ZFPM2: variants seen among roughly 807,000 people sequenced by gnomAD.
The protein encoded by ZFPM2 is zinc finger protein ZFPM2.
ZFPM2 carries 20 observed loss-of-function variants against 98.6 expected under a neutral mutation model. The observed-to-expected ratio is 0.20, with a 90% CI of 0.14 to 0.29. ZFPM2 has a LOEUF of 0.29. ZFPM2 is among the 10% of genes least tolerant of loss of function. ZFPM2 has a pLI of 1.00. For missense variants in ZFPM2, 1,310 were observed against 1,388.6 expected, an observed-to-expected ratio of 0.94 and a Z score of 0.90; for synonymous variants, 518 against 502.7, an observed-to-expected ratio of 1.03 and a Z score of -0.41.
At chr8:105,549,109 A>C (rs1206326164) in intron 3 of ZFPM2, among the ~76,000 whole-genome samples, 14 of 152,174 alleles carry the variant, frequency 9.2e-5, no homozygotes, top group South Asian at 2.1e-4. Flanking sequence ...AACTATGCTC[A>C]TGAGTGATAA....
chr8:105,676,194 T>C (rs1003841971), intron 5 of ZFPM2, among the ~76,000 whole-genome samples: 1 of 152,180 alleles, frequency 6.6e-6, no homozygotes, highest in Middle Eastern at 3.2e-3. Context: ...CATTCCTAAC[T>C]ATTTTGACCA....
At chr8:105,550,861 A>G (rs1814835484) in intron 3 of ZFPM2, among the ~76,000 whole-genome samples, 1 of 152,178 alleles carries the variant, frequency 6.6e-6, no homozygotes, top group Non-Finnish European at 1.5e-5. Context: ...TATGTACTGC[A>G]CTGAAAACAC....
intron 1 of ZFPM2, among the ~76,000 whole-genome samples, chr8:105,364,423 A>G (rs1432113411): frequency 6.6e-6 from 1 of 152,112 alleles, no homozygotes; most frequent in Admixed American, 6.6e-5. Context: ...AATCAGGAAG[A>G]AAAGTTCAGG....
chr8:105,792,612 A>C (rs2131148510), intron 6 of ZFPM2, among the ~76,000 whole-genome samples: 1 of 152,276 alleles, frequency 6.6e-6, no homozygotes, highest in East Asian at 1.9e-4. Flanking sequence ...TGCTTGGTGC[A>C]GAGATGAGTT....
intron 3 of ZFPM2, among the ~76,000 whole-genome samples, chr8:105,516,834 C>T (rs1049822933): frequency 6.6e-6 from 1 of 152,290 alleles, no homozygotes; most frequent in South Asian, 2.1e-4. Context: ...ATTTCTGACA[C>T]AAGCCTATAA....
At chr8:105,610,286 G>A (rs574469506) in intron 4 of ZFPM2, among the ~76,000 whole-genome samples, 1 of 152,220 alleles carries the variant, frequency 6.6e-6, no homozygotes, top group South Asian at 2.1e-4. Context: ...TAAGGCTTGT[G>A]ATTAAAAACA....
chr8:105,778,134 C>A (rs911139631), intron 5 of ZFPM2, among the ~76,000 whole-genome samples: 1 of 152,132 alleles, frequency 6.6e-6, no homozygotes, highest in African/African-American at 2.4e-5. Flanking sequence ...TTCCACTACT[C>A]CACTGTCAAG....
chr8:105,768,085 C>CCT (rs139124537), intron 5 of ZFPM2, among the ~76,000 whole-genome samples: 21,486 of 146,964 alleles, frequency 0.15, 2,271 homozygotes, highest in African/African-American at 0.3. Context: ...AACACATATT[C>CCT]CTCTCTCTCT....
At chr8:105,528,407 A>G (rs1814221569) in intron 3 of ZFPM2, among the ~76,000 whole-genome samples, 1 of 152,126 alleles carries the variant, frequency 6.6e-6, no homozygotes, top group Admixed American at 6.6e-5. Flanking sequence ...GGTCATTAGG[A>G]GTTGACTAGG....
intron 5 of ZFPM2, among the ~76,000 whole-genome samples, chr8:105,767,517 T>C (rs1207471426): frequency 1.3e-5 from 2 of 151,874 alleles, no homozygotes; most frequent in Non-Finnish European, 2.9e-5. Flanking sequence ...AAACAGTTAT[T>C]TGAATAATCT....
At chr8:105,408,847 G>T (rs536402772) in intron 1 of ZFPM2, among the ~76,000 whole-genome samples, 2 of 151,584 alleles carry the variant, frequency 1.3e-5, no homozygotes, top group Admixed American at 1.3e-4. Flanking sequence ...GATTTCTATC[G>T]TTGCCCTCAC....
intron 4 of ZFPM2, among the ~76,000 whole-genome samples, chr8:105,611,917 C>T (rs1309918196): frequency 5.9e-5 from 9 of 151,862 alleles, no homozygotes; most frequent in East Asian, 1.9e-4. Context: ...AGGCTGGTCT[C>T]GAACTCCTGA....
At chr8:105,673,793 C>G (rs17291736) in intron 5 of ZFPM2, among the ~76,000 whole-genome samples, 27,305 of 152,096 alleles carry the variant, frequency 0.18, 2,431 homozygotes, top group Middle Eastern at 0.26. Flanking sequence ...TTCTATTGCT[C>G]TTAATGAAAT....
At chr8:105,764,763 G>C (rs532736734) in intron 5 of ZFPM2, among the ~76,000 whole-genome samples, 15 of 151,722 alleles carry the variant, frequency 9.9e-5, no homozygotes, top group Non-Finnish European at 1.3e-4. Flanking sequence ...AATGACTTAA[G>C]TGATGTAATG....
intron 5 of ZFPM2, among the ~76,000 whole-genome samples, chr8:105,645,052 A>G (rs755980329): frequency 4.6e-5 from 7 of 152,208 alleles, no homozygotes; most frequent in Non-Finnish European, 8.8e-5. Flanking sequence ...TGGGAGTTCT[A>G]TAAGGACAGG....
Position 105,772,571 on chromosome 8 carries a change from T to C in ZFPM2, c.533-16147T>C, listed in dbSNP as rs1813002914. Among the ~76,000 whole-genome samples, 6 of 152,248 alleles carry C rather than the reference T, an allele frequency of 3.9e-5. No homozygotes were observed. In the South Asian group the frequency reaches 1.2e-3, roughly 32 times the overall value. On this transcript the variant is annotated intron_variant, in intron 5 of 7. Transcript: ENST00000407775. ...TACCTCAGTTTTCTATGTATGATAGTCTCAACCATTCAAACCTGTTGTTGT... is the reference window on the plus strand; with the variant it reads ...TACCTCAGTTTTCTATGTATGATAGCCTCAACCATTCAAACCTGTTGTTGT...
At chr8:105,775,496 A>G (rs1813085198) in intron 5 of ZFPM2, among the ~76,000 whole-genome samples, 1 of 152,180 alleles carries the variant, frequency 6.6e-6, no homozygotes, top group Non-Finnish European at 1.5e-5. Context: ...CTGATGAAGA[A>G]TGGTATTTTA....
intron 3 of ZFPM2, among the ~76,000 whole-genome samples, chr8:105,477,673 C>T (rs1418091456): frequency 1.3e-5 from 2 of 152,098 alleles, no homozygotes; most frequent in Non-Finnish European, 2.9e-5. Context: ...GATTTTCTAA[C>T]CATATCTTCT....
At chr8:105,693,998 T>C (rs141737405) in intron 5 of ZFPM2, among the ~76,000 whole-genome samples, 22 of 82,708 alleles carry the variant, frequency 2.7e-4, no homozygotes, top group South Asian at 2.6e-3. Flanking sequence ...TTTTTTTTTT[T>C]TTTTGAGATG....
Sources: gnomAD v4.1 joint callset for allele counts (sites outside exome capture counted in the v4.1 genomes callset) on GRCh38, gnomAD v4.1.1 for gene constraint, MANE v1.5 for transcripts, NCBI Gene and HGNC (gene_info 2026-07-23, HGNC 2026-07-21) for gene names.